The following VPS13B variants were observed in gnomAD, a reference collection of about 807,000 sequenced individuals.
The protein encoded by VPS13B is vacuolar protein sorting 13 homolog B, also known as intermembrane lipid transfer protein VPS13B.
Under a neutral mutation model 426.4 loss-of-function variants are expected in VPS13B, and 285 were observed. That is an observed-to-expected ratio of 0.67 (90% CI 0.61 to 0.74). The LOEUF is 0.74. Among genes scored for constraint, VPS13B ranks in the 30% least tolerant of loss-of-function variants. The pLI, the probability that VPS13B is intolerant of heterozygous loss-of-function variation, is 0.00. For synonymous variants in VPS13B, 1,676 were observed against 1,676.4 expected, an observed-to-expected ratio of 1.00 and a Z score of 0.01; for missense variants, 4,537 against 4,782.6, an observed-to-expected ratio of 0.95 and a Z score of 1.51.
At position 99,876,568 on chromosome 8, in the gene VPS13B, T is replaced by C. The variant is rs1167939617; in HGVS notation, c.*902T>C. The C allele has an allele frequency of 1.3e-5, 2 of 152,180 alleles. No individual in the cohort carries two copies. The highest frequency in any genetic ancestry group is 2.9e-5 in the Non-Finnish European group (2 of 68,032). The allele number at this position is 152,180 out of a possible 1,614,324, so 9.4% of individuals were successfully genotyped here. The stretch of plus-strand genomic sequence containing the variant: ...GCCATAGAGCACACAAGAACCCCAA[T>C]ATTAATGCTAACAATTATACCAGTC... On this transcript the variant is annotated 3_prime_UTR_variant, in exon 62 of 62. Coordinates refer to ENST00000357162, the MANE Select transcript of VPS13B (RefSeq NM_152564.5).
intron 16 of VPS13B, among the ~76,000 whole-genome samples, chr8:99,174,135 A>G (rs1446850414): frequency 1.3e-5 from 2 of 152,190 alleles, no homozygotes; most frequent in Non-Finnish European, 1.5e-5. Context: ...GTGTTGCAGC[A>G]TGTAGCAGAA....
chr8:99,790,996 G>A (rs1468737696), intron 43 of VPS13B, among the ~76,000 whole-genome samples: 3 of 152,192 alleles, frequency 2.0e-5, no homozygotes, highest in Non-Finnish European at 2.9e-5. Context: ...ACAAAGGTGT[G>A]ATAATCTACG....
intron 21 of VPS13B, among the ~76,000 whole-genome samples, chr8:99,409,557 A>G (rs1298599549): frequency 6.6e-6 from 1 of 152,132 alleles, no homozygotes; most frequent in Admixed American, 6.6e-5. Flanking sequence ...TTGCAATTAG[A>G]TATGTCAAAT....
chr8:99,515,160 G>GATAAGAAAGAAGAGA lies in VPS13B; in HGVS notation c.4633+3649_4633+3650insTAAGAAAGAAGAGAA, dbSNP rs1821990133. Among the ~76,000 whole-genome samples the GATAAGAAAGAAGAGA allele has an allele frequency of 2.6e-5, 4 of 151,774 alleles. No individual in the cohort carries two copies. In the South Asian group the frequency reaches 8.3e-4, roughly 32 times the overall value. Reference sequence around the variant, plus strand: ...AATCAGGCTATTTAAGAAAGAAGAGGAAAAAAAAGAACAACTTTATTTTCT... The same window carrying GATAAGAAAGAAGAGA: ...AATCAGGCTATTTAAGAAAGAAGAGGATAAGAAAGAAGAGAAAAAAAAAGAACAACTTTATTTTCT... On this transcript the variant is annotated intron_variant, in intron 29 of 61. Transcript: ENST00000357162.
chr8:99,365,892 T>C (rs1812852116), intron 19 of VPS13B, among the ~76,000 whole-genome samples: 1 of 152,098 alleles, frequency 6.6e-6, no homozygotes, highest in South Asian at 2.1e-4. Flanking sequence ...TATGTTCCCA[T>C]GTTCCTCTTG....
At chr8:99,804,912 C>G (rs1813310526) in intron 43 of VPS13B, among the ~76,000 whole-genome samples, 1 of 152,016 alleles carries the variant, frequency 6.6e-6, no homozygotes, top group Non-Finnish European at 1.5e-5. Flanking sequence ...GCAGGAAGAT[C>G]ACTTGAGGGG....
chr8:99,405,629 C>T (rs1282141257), intron 21 of VPS13B, among the ~76,000 whole-genome samples: 1 of 152,122 alleles, frequency 6.6e-6, no homozygotes, highest in Non-Finnish European at 1.5e-5. Context: ...GTAGTTGCTT[C>T]CTATTGCACT....
chr8:99,163,969 C>G (rs1043985688), intron 15 of VPS13B, among the ~76,000 whole-genome samples: 2 of 152,172 alleles, frequency 1.3e-5, no homozygotes, highest in African/African-American at 4.8e-5. Context: ...CTCAATCCCC[C>G]CTCTAAACAG....
chr8:99,188,318 A>G (rs910594990), intron 16 of VPS13B, among the ~76,000 whole-genome samples: 1 of 152,172 alleles, frequency 6.6e-6, no homozygotes, highest in Non-Finnish European at 1.5e-5. Flanking sequence ...TTTTATAATA[A>G]CAGAATAATA....
chr8:99,317,589 T>C (rs961681391), intron 19 of VPS13B, among the ~76,000 whole-genome samples: 3 of 152,192 alleles, frequency 2.0e-5, no homozygotes, highest in Admixed American at 6.5e-5. Context: ...TGAAATCCTC[T>C]GGGTAACCAT....
chr8:99,262,177 A>T (rs185999937), intron 17 of VPS13B, among the ~76,000 whole-genome samples: 4 of 152,272 alleles, frequency 2.6e-5, no homozygotes, highest in Non-Finnish European at 5.9e-5. Flanking sequence ...TCATTTAATG[A>T]TCACTGTGAG....
chr8:99,226,759 G>C (rs187015468), intron 17 of VPS13B, among the ~76,000 whole-genome samples: 1 of 152,022 alleles, frequency 6.6e-6, no homozygotes, highest in Non-Finnish European at 1.5e-5. Context: ...TTTTTAAAAC[G>C]GATACATAAT....
At chr8:99,640,108 A>AAAGAAAAG (rs1554884040) in intron 33 of VPS13B, among the ~76,000 whole-genome samples, 7 of 149,542 alleles carry the variant, frequency 4.7e-5, no homozygotes, top group African/African-American at 1.7e-4. Flanking sequence ...AAAGAAAAGA[A>AAAGAAAAG]AAGAAGAAGA....
chr8:99,782,347 C>T (rs528942436), intron 42 of VPS13B, among the ~76,000 whole-genome samples: 5 of 152,088 alleles, frequency 3.3e-5, no homozygotes, highest in South Asian at 2.1e-4. Context: ...ACTGTAAAGA[C>T]GTGGTTGCTG....
At chr8:99,462,954 G>A (rs2133496877) in intron 23 of VPS13B, among the ~76,000 whole-genome samples, 1 of 152,308 alleles carries the variant, frequency 6.6e-6, no homozygotes, top group Admixed American at 6.5e-5. Context: ...AGAGATGGAT[G>A]TCTATTGTTT....
chr8:99,756,109 G>C (rs564307861), intron 39 of VPS13B, among the ~76,000 whole-genome samples: 1 of 151,936 alleles, frequency 6.6e-6, no homozygotes, highest in African/African-American at 2.4e-5. Context: ...CTTAAGTATA[G>C]GAATCATGTC....
At chr8:99,081,582 A>AACCCCACCACAGGCCCCC in intron 3 of VPS13B, among the ~76,000 whole-genome samples, 1 of 26,730 alleles carries the variant, frequency 3.7e-5, no homozygotes, top group Non-Finnish European at 7.0e-5. Context: ...CCCCTCCCCC[A>AACCCCACCACAGGCCCCC]ACCCCACAAC....
intron 15 of VPS13B, 66 bp downstream of exon 15, chr8:99,156,809 T>G: frequency 6.6e-7 from 1 of 1,514,462 alleles, no homozygotes; most frequent in African/African-American, 1.4e-5. Context: ...GATAAGTTTC[T>G]TTTTTCTTGA....
chr8:99,364,843 G>A (rs1812763150), intron 19 of VPS13B, among the ~76,000 whole-genome samples: 11 of 152,278 alleles, frequency 7.2e-5, no homozygotes, highest in Admixed American at 7.2e-4. Flanking sequence ...AATAGTTTGA[G>A]TAGGATTGGT....
Sources: allele counts gnomAD v4.1 joint callset (sites outside exome capture counted in the v4.1 genomes callset), GRCh38; gene constraint gnomAD v4.1.1; transcripts MANE v1.5; gene names NCBI Gene and HGNC (gene_info 2026-07-23, HGNC 2026-07-21).